NUP188: variants seen among roughly 807,000 people sequenced by gnomAD.
The protein encoded by NUP188 is nucleoporin NUP188.
NUP188 carries 97 observed loss-of-function variants against 223.0 expected under a neutral mutation model. The observed-to-expected ratio is 0.43, with a 90% confidence interval of 0.37 to 0.51. The LOEUF (loss-of-function observed/expected upper bound fraction) is 0.51. NUP188 is among the 20% of genes least tolerant of loss of function. The pLI is 0.00. For synonymous variants in NUP188, 869 were observed against 828.0 expected, an observed-to-expected ratio of 1.05 and a Z score of -0.85; for missense variants, 1,947 against 2,175.6, an observed-to-expected ratio of 0.89 and a Z score of 2.09.
At position 129,001,629 on chromosome 9, in the gene NUP188, C is replaced by G. The variant is rs775543201; in HGVS notation, c.3944C>G (p.Thr1315Ser). ...ACCCGCAGGCTCCCCATCCTACCCA[C>G]CCTCCTCACCACTCTAGAGGTGAGC... is the stretch of plus-strand genomic sequence containing the variant. ...QVTRRLPILPTLLTTLEVSLR... is the reference protein window; with the variant it reads ...QVTRRLPILPSLLTTLEVSLR... Residue 1315 changes from threonine (T) to serine (S), a missense_variant, in exon 35 of 44, where the codon ACC becomes AGC. Around this residue, in one of 3 missense-constraint regions of NUP188, gnomAD observed 905 missense variants for 990.6 expected, o/e 0.91. Transcript: ENST00000372577. 1.5e-5 allele frequency: 25 copies of G among 1,613,936 alleles called. No individual in the cohort carries two copies. In the Admixed American group the frequency reaches 4.2e-4, roughly 27 times the overall value.
intron 8 of NUP188, among the ~76,000 whole-genome samples, chr9:128,961,587 T>TAG (rs202057465): frequency 0.022 from 3,000 of 138,084 alleles, 88 homozygotes; most frequent in African/African-American, 0.078. Flanking sequence ...TCTATCTATC[T>TAG]ATCTAGATAG....
At chr9:128,980,507 A>G in intron 13 of NUP188, 99 bp from the exon 14 acceptor site, 1 of 1,235,416 alleles carries the variant, frequency 8.1e-7, no homozygotes, top group Non-Finnish European at 1.1e-6. Flanking sequence ...TCTAAAAGGA[A>G]GGATTAATTC....
rs766404643 is a variant in NUP188, at chr9:128,982,631, A to G, written c.1599A>G (p.Glu533=). 6.2e-7 allele frequency: 1 copy of G among 1,614,176 alleles called. No individual in the cohort carries two copies. The highest frequency in any genetic ancestry group is 1.3e-5 in the African/African-American group (1 of 75,048). The stretch of plus-strand genomic sequence containing the variant: ...ATAGGGCATACCTGGTACGCTGGGA[A>G]TACTCCTATAGCAGCTGGACCCTCT... ...LDDRAYLVRW[E]YSYSSWTLFT... The change falls in exon 16 of 44, where the codon GAA becomes GAG. Residue 533 remains glutamate (E), a synonymous_variant. Transcript: ENST00000372577.
At chr9:128,962,637 G>T (rs1841971787) in intron 8 of NUP188, among the ~76,000 whole-genome samples, 1 of 151,932 alleles carries the variant, frequency 6.6e-6, no homozygotes, top group South Asian at 2.1e-4. Flanking sequence ...CCCATCCTGG[G>T]CCACAGAGCG....
rs1588294648 is a variant in NUP188 at position 129,002,668 on chromosome 9, C to G, written c.4138-149C>G. On this transcript the variant is annotated intron_variant, in intron 36 of 43. Transcript: ENST00000372577. ...TTCCTTGAATCTGCTGGTGTTGGCC[C>G]CTTTCTGGCCCTGGTGGCCAGACAG... 9.1e-6 allele frequency: 7 copies of G among 767,832 alleles called. No individual in the cohort carries two copies. The East Asian group carries it at 1.6e-4, about 18-fold the overall frequency. 47.6% of individuals were successfully genotyped at this position (767,832 alleles called of 1,614,324 possible). A position where few individuals can be genotyped will look rare whatever the true frequency, so the allele number is the denominator to read the frequency against.
chr9:128,996,331 G>A (rs1337712660), intron 30 of NUP188, among the ~76,000 whole-genome samples: 3 of 151,786 alleles, frequency 2.0e-5, no homozygotes, highest in Admixed American at 6.6e-5. Flanking sequence ...TGTATTTTTC[G>A]TAGAGATGGG....
intron 20 of NUP188, chr9:128,985,351 A>G (rs1243486463): frequency 5.7e-6 from 1 of 176,148 alleles, no homozygotes; most frequent in African/African-American, 2.4e-5. Context: ...ACATGTGTGT[A>G]TATTCCTGAA....
intron 34 of NUP188, among the ~76,000 whole-genome samples, chr9:129,000,880 T>TA (rs1842643079): frequency 6.6e-6 from 1 of 150,578 alleles, no homozygotes. Flanking sequence ...CTATGAAAAA[T>TA]ACAAAAAATT....
intron 38 of NUP188, chr9:129,003,802 GTC>G (rs1221344559): frequency 6.0e-6 from 2 of 330,836 alleles, no homozygotes; most frequent in Non-Finnish European, 1.1e-5. Context: ...GTGAAACCCT[GTC>G]TCTACTAAAA....
intron 2 of NUP188, 138 bp downstream of exon 2, chr9:128,949,381 G>A: frequency 1.6e-6 from 1 of 622,338 alleles, no homozygotes; most frequent in South Asian, 1.8e-5. Flanking sequence ...TTCCCAGGCT[G>A]GAGTGCAATG....
chr9:128,976,522 T>C (rs1319751684), intron 12 of NUP188, among the ~76,000 whole-genome samples: 1 of 151,888 alleles, frequency 6.6e-6, no homozygotes, highest in Non-Finnish European at 1.5e-5. Context: ...AATACAAAAA[T>C]TAGCTGGACA....
chr9:128,954,025 T>C (rs1374685429), intron 3 of NUP188, among the ~76,000 whole-genome samples: 2 of 151,842 alleles, frequency 1.3e-5, no homozygotes, highest in African/African-American at 4.8e-5. Flanking sequence ...AGATGGGGTT[T>C]CACCATGTTG....
rs754209431 is a variant in NUP188, at chr9:128,993,328, T to G, written c.2772T>G (p.Val924=). ...TCATGATTCTAGAGTTCCTCACTGT[T>G]GCAGTAGAGACCCAGCCAGGCCTCA... is the stretch of plus-strand genomic sequence containing the variant. ...IKVMILEFLT[V]AVETQPGLIE... is the part of the protein sequence containing the mutation. Residue 924 remains valine (V), a synonymous_variant, in exon 26 of 44, where the codon GTT becomes GTG. Transcript: ENST00000372577. 4 of 1,614,202 alleles carry G rather than the reference T, an allele frequency of 2.5e-6. No individual in the cohort carries two copies. In the Admixed American group the frequency reaches 6.7e-5, roughly 27 times the overall value.
intron 14 of NUP188, 86 bp downstream of exon 14, chr9:128,980,811 A>G: frequency 7.1e-7 from 1 of 1,407,372 alleles, no homozygotes; most frequent in Non-Finnish European, 9.8e-7. Flanking sequence ...TCCACATTGC[A>G]GTTCTACTGC....
intron 12 of NUP188, among the ~76,000 whole-genome samples, chr9:128,978,957 G>A (rs1008633662): frequency 3.3e-5 from 5 of 152,082 alleles, no homozygotes; most frequent in South Asian, 2.1e-4. Context: ...GTGATCTGCC[G>A]GCCTTGCCTC....
intron 24 of NUP188, among the ~76,000 whole-genome samples, chr9:128,988,616 G>T (rs1222640251): frequency 2.0e-5 from 3 of 150,454 alleles, no homozygotes; most frequent in African/African-American, 7.3e-5. Flanking sequence ...AATAGTTGCA[G>T]TATACTTACC....
intron 5 of NUP188, 142 bp downstream of exon 5, chr9:128,957,174 G>T: frequency 5.4e-6 from 3 of 557,442 alleles, no homozygotes; most frequent in Admixed American, 3.6e-5. Context: ...CCTACTAAAG[G>T]CTTTAAAAAA....
At chr9:128,993,132 G>A in intron 25 of NUP188, 65 bp from the exon 26 acceptor site, 2 of 1,371,056 alleles carry the variant, frequency 1.5e-6, no homozygotes, top group Non-Finnish European at 2.1e-6. Flanking sequence ...GTGCCCTTCT[G>A]TGGGAGCCCA....
chr9:129,001,963 A>G lies in NUP188; in HGVS notation c.4124A>G (p.Asn1375Ser), dbSNP rs946106249. ...PLLSVYQLST[N>S]GTAQTPSASR... ...CTGAGTGTGTACCAGCTGAGCACCA[A>G]CGGCACAGCACAGGTGAGTGTCAGG... The change falls in exon 36 of 44, where the codon AAC becomes AGC. Residue 1375 changes from asparagine (N) to serine (S), a missense_variant. By Grantham distance (46) the Asn-to-Ser change is conservative. Transcript: ENST00000372577. 1 of 1,613,596 alleles carries G rather than the reference A, an allele frequency of 6.2e-7. No homozygotes were observed.
Sources: gnomAD v4.1 joint callset for allele counts (sites outside exome capture counted in the v4.1 genomes callset) on GRCh38, gnomAD v4.1.1 for gene constraint, gnomAD v4.1.1 regional missense constraint, MANE v1.5 for transcripts, NCBI Gene and HGNC (gene_info 2026-07-23, HGNC 2026-07-21) for gene names.